Variants in ITCH observed in about 807,000 individuals in gnomAD.
The protein encoded by ITCH is itchy E3 ubiquitin protein ligase.
ITCH carries 28 observed loss-of-function variants against 126.8 expected under a neutral mutation model. The observed-to-expected ratio is 0.22, with a 90% confidence interval of 0.16 to 0.30. The LOEUF is 0.30. Ranked by LOEUF, ITCH falls within the 10% of genes least tolerant of loss-of-function variation. ITCH has a pLI of 1.00. For synonymous variants in ITCH, 342 were observed against 340.0 expected (o/e 1.01, Z -0.06); for missense variants, 631 against 1,032.4 (o/e 0.61, Z 5.33).
chr20:34,366,631 C>G (rs1296108717), intron 1 of ITCH, among the ~76,000 whole-genome samples: 1 of 151,794 alleles, frequency 6.6e-6, no homozygotes, highest in African/African-American at 2.4e-5. Context: ...GTTTGGGAGG[C>G]TGAGGCGGGT....
chr20:34,448,126 A>G (rs1309083513), intron 11 of ITCH, among the ~76,000 whole-genome samples: 1 of 152,228 alleles, frequency 6.6e-6, no homozygotes, highest in East Asian at 1.9e-4. Context: ...GCGGTGGCTC[A>G]CACCTGTACT....
intron 3 of ITCH, chr20:34,402,206 T>C: frequency 1.4e-6 from 2 of 1,415,902 alleles, no homozygotes; most frequent in South Asian, 1.2e-5. Flanking sequence ...CAGCCAATAT[T>C]GCTTCGTCAA....
chr20:34,402,520 C>G, intron 3 of ITCH: 2 of 750,720 alleles, frequency 2.7e-6, no homozygotes, highest in South Asian at 2.7e-5. Flanking sequence ...CAGTCATAAT[C>G]CCTCATAATC....
At chr20:34,485,705 C>T (rs530260588) in intron 20 of ITCH, among the ~76,000 whole-genome samples, 5 of 152,184 alleles carry the variant, frequency 3.3e-5, no homozygotes, top group South Asian at 4.1e-4. Context: ...TCTTCTTTGA[C>T]GGAGTCTTGC....
intron 6 of ITCH, among the ~76,000 whole-genome samples, chr20:34,422,048 T>A (rs1411799435): frequency 6.6e-6 from 1 of 152,166 alleles, no homozygotes; most frequent in African/African-American, 2.4e-5. Flanking sequence ...AAATGGCCCT[T>A]GTTTAGACTT....
chr20:34,376,994 T>G (rs1268706169), intron 2 of ITCH, among the ~76,000 whole-genome samples: 1 of 152,188 alleles, frequency 6.6e-6, no homozygotes, highest in Non-Finnish European at 1.5e-5. Context: ...GAATCTTGCT[T>G]TATCCCTTAC....
intron 7 of ITCH, among the ~76,000 whole-genome samples, chr20:34,426,573 G>A (rs1000402573): frequency 2.0e-5 from 3 of 151,748 alleles, no homozygotes; most frequent in Non-Finnish European, 4.4e-5. Flanking sequence ...AGCCTCTTGT[G>A]TAGCTGGGAC....
chr20:34,419,434 T>C (rs1355673370), intron 6 of ITCH, among the ~76,000 whole-genome samples: 1 of 152,184 alleles, frequency 6.6e-6, no homozygotes, highest in African/African-American at 2.4e-5. Context: ...GTGTGATATA[T>C]AAGCATTACT....
intron 12 of ITCH, among the ~76,000 whole-genome samples, chr20:34,452,036 C>CTT (rs950682404): frequency 2.8e-5 from 4 of 142,956 alleles, no homozygotes; most frequent in Non-Finnish European, 6.0e-5. Flanking sequence ...TGCCACTGTG[C>CTT]TTCAGCCTGG....
chr20:34,369,048 A>G (rs1233585557), intron 1 of ITCH, among the ~76,000 whole-genome samples: 3 of 152,204 alleles, frequency 2.0e-5, no homozygotes, highest in Non-Finnish European at 4.4e-5. Flanking sequence ...TATAGAGGTC[A>G]GCTGGGTGTG....
At chr20:34,377,581 T>A (rs916506131) in intron 2 of ITCH, among the ~76,000 whole-genome samples, 1 of 151,298 alleles carries the variant, frequency 6.6e-6, no homozygotes, top group Non-Finnish European at 1.5e-5. Flanking sequence ...ATAACTGATA[T>A]GGCTGGGCGC....
chr20:34,500,396 T>G (rs954713324), intron 23 of ITCH, among the ~76,000 whole-genome samples: 10 of 152,216 alleles, frequency 6.6e-5, no homozygotes, highest in African/African-American at 2.4e-4. Context: ...TCTTGTTGAA[T>G]TGGTCCCTTT....
intron 24 of ITCH, among the ~76,000 whole-genome samples, chr20:34,505,648 G>A (rs893095615): frequency 6.6e-6 from 1 of 151,666 alleles, no homozygotes; most frequent in African/African-American, 2.4e-5. Context: ...TGCCTCCTGG[G>A]TTCAAGTGAT....
At chr20:34,382,049 C>A (rs2038086032) in intron 2 of ITCH, among the ~76,000 whole-genome samples, 1 of 151,952 alleles carries the variant, frequency 6.6e-6, no homozygotes, top group African/African-American at 2.4e-5. Context: ...TGGTATTTTG[C>A]CTTCTTTGGA....
At chr20:34,486,800 G>A (rs1568995996) in intron 20 of ITCH, among the ~76,000 whole-genome samples, 1 of 147,566 alleles carries the variant, frequency 6.8e-6, no homozygotes, top group Non-Finnish European at 1.5e-5. Context: ...AGAAGTTCAA[G>A]CGATCCTCTA....
chr20:34,435,381 C>A (rs1982880603), intron 7 of ITCH, among the ~76,000 whole-genome samples: 1 of 152,092 alleles, frequency 6.6e-6, no homozygotes, highest in South Asian at 2.1e-4. Flanking sequence ...ATAAGCCAGG[C>A]TAGTCTCAAA....
chr20:34,451,231 A>G (rs932519314), intron 12 of ITCH, among the ~76,000 whole-genome samples: 4 of 151,760 alleles, frequency 2.6e-5, no homozygotes, highest in African/African-American at 4.8e-5. Context: ...CGGAGGTTGC[A>G]GTGAGCCAAG....
intron 23 of ITCH, 116 bp from the exon 24 acceptor site, chr20:34,504,215 C>A: frequency 1.3e-6 from 1 of 777,602 alleles, no homozygotes. Context: ...ATGTGTGGGG[C>A]CTGAGGATTT....
chr20:34,448,143 A>G (rs775027503), intron 11 of ITCH, among the ~76,000 whole-genome samples: 4 of 152,232 alleles, frequency 2.6e-5, no homozygotes. Flanking sequence ...TACTCCCAGC[A>G]CTTTGGGAGG....
Sources: gnomAD v4.1 joint callset for allele counts (sites outside exome capture counted in the v4.1 genomes callset) on GRCh38, gnomAD v4.1.1 for gene constraint, MANE v1.5 for transcripts, NCBI Gene and HGNC (gene_info 2026-07-23, HGNC 2026-07-21) for gene names.